The following MBNL1 variants were observed in gnomAD, a reference collection of about 807,000 sequenced individuals.
The protein encoded by MBNL1 is muscleblind like splicing regulator 1, also known as muscleblind-like protein 1.
MBNL1 carries 8 observed loss-of-function variants against 42.2 expected under a neutral mutation model. The observed-to-expected ratio is 0.19, with a 90% CI of 0.11 to 0.34. The LOEUF is 0.34. Ranked by LOEUF, MBNL1 falls within the 10% of genes least tolerant of loss-of-function variation. The pLI, the probability that MBNL1 is intolerant of heterozygous loss-of-function variation, is 1.00. For synonymous variants in MBNL1, 169 were observed against 173.9 expected (o/e 0.97, Z 0.22); for missense variants, 309 against 495.3 (o/e 0.62, Z 3.57).
At chr3:152,382,228 G>A (rs775347960) in intron 2 of MBNL1, among the ~76,000 whole-genome samples, 1 of 152,050 alleles carries the variant, frequency 6.6e-6, no homozygotes, top group Non-Finnish European at 1.5e-5. Flanking sequence ...TTACACAGTA[G>A]TTAAGCTAAA....
At chr3:152,445,851 GTCT>G (rs143712092) in intron 5 of MBNL1, among the ~76,000 whole-genome samples, 2,399 of 152,228 alleles carry the variant, frequency 0.016, 53 homozygotes, top group African/African-American at 0.055. Flanking sequence ...GCCATTTTCA[GTCT>G]TCTTATTTCT....
chr3:152,387,662 G>C (rs1013690178), intron 2 of MBNL1, among the ~76,000 whole-genome samples: 1 of 152,074 alleles, frequency 6.6e-6, no homozygotes, highest in Non-Finnish European at 1.5e-5. Context: ...AGAAGTCACA[G>C]AAAGCTTTTA....
At chr3:152,434,226 C>T (rs1192650615) in intron 4 of MBNL1, among the ~76,000 whole-genome samples, 3 of 152,176 alleles carry the variant, frequency 2.0e-5, no homozygotes, top group Non-Finnish European at 2.9e-5. Context: ...CAAATAGGCC[C>T]TAACATCTGT....
At chr3:152,364,515 C>T (rs2096236471) in intron 2 of MBNL1, among the ~76,000 whole-genome samples, 1 of 151,934 alleles carries the variant, frequency 6.6e-6, no homozygotes, top group Admixed American at 6.6e-5. Flanking sequence ...ACATATCTGC[C>T]ACTCAGGTGA....
At chr3:152,304,302 G>C (rs894182785) in intron 2 of MBNL1, among the ~76,000 whole-genome samples, 7 of 151,990 alleles carry the variant, frequency 4.6e-5, no homozygotes, top group Non-Finnish European at 7.4e-5. Flanking sequence ...ATCCTCTGTT[G>C]CTAGCATGGT....
intron 2 of MBNL1, among the ~76,000 whole-genome samples, chr3:152,362,979 G>C (rs2096089612): frequency 6.6e-6 from 1 of 152,098 alleles, no homozygotes; most frequent in Non-Finnish European, 1.5e-5. Context: ...ATGTGTGTGT[G>C]AAGTTTCCAT....
At chr3:152,274,700 AT>A (rs2043893270) in intron 1 of MBNL1, among the ~76,000 whole-genome samples, 2 of 151,174 alleles carry the variant, frequency 1.3e-5, no homozygotes, top group Non-Finnish European at 3.0e-5. Context: ...ATTTTCATAT[AT>A]GTTTTAATTC....
chr3:152,310,141 A>G (rs555294726), intron 2 of MBNL1, among the ~76,000 whole-genome samples: 2 of 152,310 alleles, frequency 1.3e-5, no homozygotes, highest in African/African-American at 4.8e-5. Context: ...AAAAGACTAT[A>G]CGTGCTTGTA....
intron 1 of MBNL1, among the ~76,000 whole-genome samples, chr3:152,280,179 C>T (rs1216553200): frequency 6.6e-6 from 1 of 152,084 alleles, no homozygotes; most frequent in African/African-American, 2.4e-5. Context: ...TGTGCCTGTT[C>T]TCAAAGTAAT....
intron 2 of MBNL1, among the ~76,000 whole-genome samples, chr3:152,381,218 T>C (rs930464387): frequency 2.6e-5 from 4 of 151,990 alleles, no homozygotes; most frequent in Non-Finnish European, 5.9e-5. Context: ...TATGAACACA[T>C]CTGGATTTGG....
chr3:152,262,179 G>C (rs1191659559), intron 2 of MBNL1, among the ~76,000 whole-genome samples: 1 of 152,170 alleles, frequency 6.6e-6, no homozygotes, highest in African/African-American at 2.4e-5. Flanking sequence ...ACAATAGCCA[G>C]TGTACTGATG....
intron 2 of MBNL1, among the ~76,000 whole-genome samples, chr3:152,254,058 T>C (rs1460351893): frequency 6.6e-6 from 1 of 152,132 alleles, no homozygotes. Flanking sequence ...TAGTAGGTGC[T>C]CAGTAAATAA....
chr3:152,308,558 C>A (rs1425341402), intron 2 of MBNL1, among the ~76,000 whole-genome samples: 1 of 152,106 alleles, frequency 6.6e-6, no homozygotes, highest in East Asian at 1.9e-4. Context: ...CCTGTGTAAC[C>A]TTTAGGGTGG....
chr3:152,327,643 C>T (rs1426667199), intron 2 of MBNL1, among the ~76,000 whole-genome samples: 1 of 152,166 alleles, frequency 6.6e-6, no homozygotes, highest in Non-Finnish European at 1.5e-5. Context: ...GCCACTGTGA[C>T]CGGCTGCTTT....
chr3:152,434,117 T>C (rs1447655898), intron 4 of MBNL1, among the ~76,000 whole-genome samples: 1 of 152,202 alleles, frequency 6.6e-6, no homozygotes, highest in Non-Finnish European at 1.5e-5. Context: ...CTTCATATCA[T>C]GAGGGTTTGG....
At chr3:152,417,152 A>G (rs548469297) in intron 3 of MBNL1, among the ~76,000 whole-genome samples, 1 of 152,304 alleles carries the variant, frequency 6.6e-6, no homozygotes, top group African/African-American at 2.4e-5. Context: ...AGTACAGGAA[A>G]TTTGCCTTCA....
At chr3:152,317,330 A>AT (rs1409909311) in intron 2 of MBNL1, among the ~76,000 whole-genome samples, 8 of 151,534 alleles carry the variant, frequency 5.3e-5, no homozygotes, top group African/African-American at 7.3e-5. Context: ...CTTTAAAAAA[A>AT]TTTTTTTTTC....
intron 2 of MBNL1, among the ~76,000 whole-genome samples, chr3:152,405,107 T>G (rs986206452): frequency 6.6e-6 from 1 of 152,174 alleles, no homozygotes; most frequent in Non-Finnish European, 1.5e-5. Context: ...AAATATCTTC[T>G]CCTTTGCAGA....
chr3:152,326,081 TTTTA>T (rs1166557167), intron 2 of MBNL1, among the ~76,000 whole-genome samples: 1 of 152,188 alleles, frequency 6.6e-6, no homozygotes. Flanking sequence ...TAAGAACTTA[TTTTA>T]AATATAACTC....
Sources: allele counts gnomAD v4.1 joint callset (sites outside exome capture counted in the v4.1 genomes callset), GRCh38; gene constraint gnomAD v4.1.1; transcripts MANE v1.5; gene names NCBI Gene and HGNC (gene_info 2026-07-23, HGNC 2026-07-21).